The following DOCK9 variants were observed in gnomAD, a reference collection of about 807,000 sequenced individuals.
DOCK9 encodes dedicator of cytokinesis protein 9.
A neutral mutation model predicts 263.3 loss-of-function variants in DOCK9; 89 were observed. That is an observed-to-expected ratio of 0.34 (90% confidence interval 0.28 to 0.40). The LOEUF is 0.40. DOCK9 is among the 10% of genes least tolerant of loss of function. The probability of loss-of-function intolerance (pLI) is 1.00; values close to 1 mark genes in which losing one functional copy is unlikely to be tolerated. For synonymous variants in DOCK9, 976 were observed against 973.1 expected, an observed-to-expected ratio of 1.00 and a Z score of -0.06; for missense variants, 2,140 against 2,603.4, an observed-to-expected ratio of 0.82 and a Z score of 3.87.
At chr13:99,074,594 A>G (rs1380339392) in intron 1 of DOCK9, among the ~76,000 whole-genome samples, 1 of 151,780 alleles carries the variant, frequency 6.6e-6, no homozygotes, top group Non-Finnish European at 1.5e-5. Context: ...TGCCTCCCCC[A>G]TTATCTTCAT....
At chr13:99,007,753 TA>T (rs1883605310) in intron 1 of DOCK9, among the ~76,000 whole-genome samples, 1 of 152,220 alleles carries the variant, frequency 6.6e-6, no homozygotes, top group Non-Finnish European at 1.5e-5. Context: ...TGCCTAAGTA[TA>T]CAGCAATCTA....
intron 1 of DOCK9, among the ~76,000 whole-genome samples, chr13:99,076,023 G>A (rs1025343985): frequency 1.3e-5 from 2 of 152,116 alleles, no homozygotes; most frequent in Non-Finnish European, 2.9e-5. Flanking sequence ...AAGAAAGAGA[G>A]GCAGGAAGAT....
At chr13:99,088,196 A>G (rs913432), upstream of DOCK9, 42,546 of 152,144 alleles carry the variant, frequency 0.28, 6,324 homozygotes, top group East Asian at 0.43. Flanking sequence ...TGGCAGATTG[A>G]AAGATAAAAC....
chr13:98,868,901 C>T (rs576912780), intron 27 of DOCK9, among the ~76,000 whole-genome samples: 6 of 152,298 alleles, frequency 3.9e-5, no homozygotes, highest in East Asian at 3.9e-4. Context: ...CAAACTTCAG[C>T]GTAATAAAGA....
At chr13:98,929,229 A>C (rs2053534900) in intron 3 of DOCK9, among the ~76,000 whole-genome samples, 1 of 152,330 alleles carries the variant, frequency 6.6e-6, no homozygotes, top group African/African-American at 2.4e-5. Context: ...AAACTAAAGC[A>C]AACAACCTAA....
At chr13:98,874,998 T>G (rs903225958) in intron 27 of DOCK9, among the ~76,000 whole-genome samples, 3 of 152,154 alleles carry the variant, frequency 2.0e-5, no homozygotes, top group Non-Finnish European at 4.4e-5. Context: ...CTGAGCTATT[T>G]CCTCTGCCTG....
At chr13:98,845,644 G>A (rs758572034) in intron 38 of DOCK9, among the ~76,000 whole-genome samples, 1 of 152,154 alleles carries the variant, frequency 6.6e-6, no homozygotes. Flanking sequence ...TCTTGAGAAC[G>A]GCTGGCTATG....
At chr13:98,952,889 C>G (rs1221198499) in intron 2 of DOCK9, among the ~76,000 whole-genome samples, 1 of 152,176 alleles carries the variant, frequency 6.6e-6, no homozygotes, top group East Asian at 1.9e-4. Context: ...CCTCAGCATG[C>G]GTTTTGCTGC....
At chr13:98,857,771 A>G (rs1281437711) in intron 33 of DOCK9, 4 of 152,260 alleles carry the variant, frequency 2.6e-5, no homozygotes, top group African/African-American at 9.6e-5. Flanking sequence ...ACATGGTTTC[A>G]TTAAGCCTTA....
At chr13:98,869,142 G>T (rs2094125402) in intron 27 of DOCK9, among the ~76,000 whole-genome samples, 1 of 152,180 alleles carries the variant, frequency 6.6e-6, no homozygotes, top group African/African-American at 2.4e-5. Flanking sequence ...GACCGTGCAT[G>T]ATTAGTTAAA....
chr13:98,890,433 T>C (rs1040776300), intron 15 of DOCK9, among the ~76,000 whole-genome samples: 3 of 152,210 alleles, frequency 2.0e-5, no homozygotes, highest in African/African-American at 4.8e-5. Context: ...CTGAAGCCTT[T>C]GCACTCCTCT....
chr13:98,913,710 C>T (rs2050425385), intron 9 of DOCK9, among the ~76,000 whole-genome samples: 1 of 152,112 alleles, frequency 6.6e-6, no homozygotes, highest in African/African-American at 2.4e-5. Context: ...TCAACTATAA[C>T]CGATGTTTTA....
chr13:98,941,129 A>G (rs2055769074), intron 2 of DOCK9, among the ~76,000 whole-genome samples: 1 of 152,170 alleles, frequency 6.6e-6, no homozygotes. Context: ...GGTCTCAGGA[A>G]CACGTACCAT....
intron 27 of DOCK9, among the ~76,000 whole-genome samples, chr13:98,875,719 T>C (rs926563492): frequency 6.6e-6 from 1 of 152,224 alleles, no homozygotes; most frequent in Non-Finnish European, 1.5e-5. Context: ...TTTTCTCAAA[T>C]ATCACTTGTA....
rs191746123 is a variant in DOCK9, at chr13:98,832,186, A to G, written c.4315-400T>C. On this transcript the variant is annotated intron_variant, in intron 39 of 52. Coordinates refer to ENST00000682017, the MANE Select transcript of DOCK9 (RefSeq NM_001366683.2). ...ATGGGAAAAAGTACTCAAGTAAGGT[A>G]TATGAAACAGGTCTTCGAAAAGGGA... 8.6e-4 allele frequency: 153 copies of G among 178,080 alleles called. 1 individual carries two copies. Among genetic ancestry groups the G allele is most frequent in the African/African-American group, 3.4e-3 (144 of 42,144 alleles). The allele number at this position is 178,080 out of a possible 1,614,324, so 11.0% of individuals were successfully genotyped here.
intron 34 of DOCK9, chr13:98,854,723 T>C (rs972379473): frequency 2.6e-5 from 4 of 152,128 alleles, no homozygotes; most frequent in African/African-American, 9.7e-5. Flanking sequence ...CAGAGTGCCT[T>C]CGGAGCAGCT....
intron 1 of DOCK9, among the ~76,000 whole-genome samples, chr13:99,049,017 T>G (rs76278103): frequency 0.11 from 17,081 of 152,212 alleles, 1,375 homozygotes; most frequent in East Asian, 0.24. Flanking sequence ...TTATTTTCTG[T>G]ATGGCTAAGA....
At chr13:99,032,035 T>C (rs796316242) in intron 1 of DOCK9, among the ~76,000 whole-genome samples, 7 of 152,334 alleles carry the variant, frequency 4.6e-5, no homozygotes, top group African/African-American at 1.7e-4. Flanking sequence ...AACATCCTGA[T>C]GATTCAAATT....
chr13:98,869,396 A>C (rs1566787357), intron 27 of DOCK9, among the ~76,000 whole-genome samples: 2 of 152,248 alleles, frequency 1.3e-5, no homozygotes. Context: ...TCAGTCACAC[A>C]ACTAACAACA....
Sources: allele counts gnomAD v4.1 joint callset (sites outside exome capture counted in the v4.1 genomes callset), GRCh38; gene constraint gnomAD v4.1.1; transcripts MANE v1.5; gene names NCBI Gene and HGNC (gene_info 2026-07-23, HGNC 2026-07-21).